MYH14: variants seen among roughly 807,000 people sequenced by gnomAD.
MYH14 encodes the protein myosin-14.
In MYH14, 123 loss-of-function variants were observed where a neutral mutation model predicts 255.5. The ratio of observed to expected loss-of-function variants is 0.48; its 90% CI spans 0.42 to 0.56. The LOEUF is 0.56. Among genes scored for constraint, MYH14 ranks in the 20% least tolerant of loss-of-function variants. The pLI is 0.00. For missense variants in MYH14, 2,423 were observed against 2,802.3 expected, an observed-to-expected ratio of 0.86 and a Z score of 3.06; for synonymous variants, 1,095 against 1,161.2, an observed-to-expected ratio of 0.94 and a Z score of 1.16.
At chr19:50,218,491 G>A (rs1046150449) in intron 3 of MYH14, among the ~76,000 whole-genome samples, 1 of 151,862 alleles carries the variant, frequency 6.6e-6, no homozygotes, top group African/African-American at 2.4e-5. Context: ...CCAGCTACTC[G>A]GGAGGCTGAG....
At chr19:50,301,430 G>T (rs148009728) in intron 39 of MYH14, among the ~76,000 whole-genome samples, 74 of 152,298 alleles carry the variant, frequency 4.9e-4, no homozygotes, top group African/African-American at 1.7e-3. Context: ...AAAGTAAGCA[G>T]AAAACTATCC....
Position 50,230,680 on chromosome 19 carries a change from T to G in MYH14, c.973+57T>G. On this transcript the variant is annotated intron_variant, in intron 9 of 42. Transcript: ENST00000642316. This position sits in a 1 kb window ranked among gnomAD's most constrained non-coding sequence, Gnocchi z 4.7. Reference sequence around the variant, plus strand: ...CGGGAGAGGGTGGGCACCATGTCTCTCGGGGGCCCCTTCTGGGGAGGAAGC... The same window carrying G: ...CGGGAGAGGGTGGGCACCATGTCTCGCGGGGGCCCCTTCTGGGGAGGAAGC... 5 of 1,477,068 alleles carry G rather than the reference T, an allele frequency of 3.4e-6. No individual in the cohort carries two copies. Among genetic ancestry groups the G allele is most frequent in the Non-Finnish European group, 4.6e-6 (5 of 1,085,146 alleles). 91.5% of individuals were successfully genotyped at this position (1,477,068 alleles called of 1,614,324 possible).
Position 50,230,547 on chromosome 19 carries a change from C to T in MYH14, c.897C>T (p.Ala299=), listed in dbSNP as rs1286001280. Residue 299 remains alanine (A), a synonymous_variant, in exon 9 of 43, where the codon GCC becomes GCT. Coordinates refer to ENST00000642316, the MANE Select transcript of MYH14 (RefSeq NM_001145809.2). This position sits in a 1 kb window ranked among gnomAD's most constrained non-coding sequence, Gnocchi z 4.7. ...CAGACCTGCTGGAGAAGTCGCGGGCCATCCGCCAGGCCAAGGACGAGTGCA... is the reference window on the plus strand; with the variant it reads ...CAGACCTGCTGGAGAAGTCGCGGGCTATCCGCCAGGCCAAGGACGAGTGCA... ...IETYLLEKSR[A]IRQAKDECSF... The T allele has an allele frequency of 6.4e-7, 1 of 1,567,612 alleles. No homozygotes were observed. The highest frequency in any genetic ancestry group is 1.9e-5 in the Admixed American group (1 of 52,812).
chr19:50,254,445 C>G (rs1312620417), intron 16 of MYH14, among the ~76,000 whole-genome samples: 1 of 152,154 alleles, frequency 6.6e-6, no homozygotes, highest in Non-Finnish European at 1.5e-5. Context: ...CATCTCCCGG[C>G]TGAAAATCTG....
Position 50,266,500 on chromosome 19 carries a change from A to G in MYH14, c.2695-377A>G, listed in dbSNP as rs1368601972. 6.6e-6 allele frequency among the ~76,000 whole-genome samples: 1 copy of G among 152,086 alleles called. No individual in the cohort carries two copies. Among genetic ancestry groups the G allele is most frequent in the African/African-American group, 2.4e-5 (1 of 41,402 alleles). On this transcript the variant is annotated intron_variant, in intron 22 of 42. Transcript: ENST00000642316. The surrounding 1 kb of genome is among the most constrained non-coding windows in gnomAD (Gnocchi z 4.1). Reference sequence around the variant, plus strand: ...CTTGAACCTGGGAGGCAGAGGTTGCAGTGAGCCGAGATCCCACCACTGCAC... The same window carrying G: ...CTTGAACCTGGGAGGCAGAGGTTGCGGTGAGCCGAGATCCCACCACTGCAC...
At chr19:50,212,579 C>G (rs1168296733) in intron 2 of MYH14, among the ~76,000 whole-genome samples, 3 of 152,182 alleles carry the variant, frequency 2.0e-5, no homozygotes, top group African/African-American at 2.4e-5. Flanking sequence ...GAGTCATGCT[C>G]CAAACTCTAG....
chr19:50,280,303 G>A lies in MYH14; in HGVS notation c.4210G>A (p.Ala1404Thr), dbSNP rs2035670202. Residue 1404 changes from alanine to threonine, a missense_variant, in exon 32 of 43, where the codon GCC becomes ACC. Coordinates refer to ENST00000642316, the MANE Select transcript of MYH14 (RefSeq NM_001145809.2). The surrounding 1 kb of genome is among the most constrained non-coding windows in gnomAD (Gnocchi z 4.8). ...GGTGCGAGCCATGGAGGCTGAGGCAGCCGGGCTGCGTGAGCAGCTGGAGGA... is the reference window on the plus strand; with the variant it reads ...GGTGCGAGCCATGGAGGCTGAGGCAACCGGGCTGCGTGAGCAGCTGGAGGA... ...SRVRAMEAEA[A>T]GLREQLEEEA... is the part of the protein sequence containing the mutation. The A allele has an allele frequency of 6.4e-7, 1 of 1,551,010 alleles. No individual in the cohort carries two copies. The highest frequency in any genetic ancestry group is 8.7e-7 in the Non-Finnish European group (1 of 1,146,880).
intron 41 of MYH14, 84 bp from the exon 42 acceptor site, chr19:50,308,921 G>A (rs1228270330): frequency 2.3e-6 from 3 of 1,330,590 alleles, no homozygotes; most frequent in Non-Finnish European, 2.1e-6. Flanking sequence ...GGGCAGTAGG[G>A]ATGGGGCAGT....
intron 24 of MYH14, among the ~76,000 whole-genome samples, chr19:50,270,758 G>A (rs1050103246): frequency 6.6e-6 from 1 of 151,430 alleles, no homozygotes; most frequent in African/African-American, 2.4e-5. Context: ...GCAGTGGCGC[G>A]ATTTCAGCTC....
rs1197116895 is a variant in MYH14, at chr19:50,309,164, A to C, written c.5947A>C (p.Arg1983=). ...CATGAACCGTGAAGTGACCACACTG[A>C]GGAACCGGCTTCGGTATGGTCATCC... is the stretch of plus-strand genomic sequence containing the variant. ...ESMNREVTTL[R]NRLRRGPLTF... The change falls in exon 42 of 43, where the codon AGG becomes CGG. Residue 1983 remains arginine, a synonymous_variant. Transcript: ENST00000642316. 6 of 1,613,804 alleles carry C rather than the reference A, an allele frequency of 3.7e-6. No individual in the cohort carries two copies. Among genetic ancestry groups the C allele is most frequent in the East Asian group, 2.2e-5 (1 of 44,860 alleles).
In MYH14 at chr19:50,250,141, C is replaced by T. The variant is rs2034310355; in HGVS notation, c.1656+318C>T. 6.6e-6 allele frequency among the ~76,000 whole-genome samples: 1 copy of T among 152,212 alleles called. No individual in the cohort carries two copies. Among genetic ancestry groups the T allele is most frequent in the Admixed American group, 6.5e-5 (1 of 15,272 alleles). On this transcript the variant is annotated intron_variant, in intron 14 of 42. Transcript: ENST00000642316. The surrounding 1 kb of genome is among the most constrained non-coding windows in gnomAD (Gnocchi z 5.4). ...CTTGAGACGGAGTCTCGCTCTATCGCCCAGGCTGGAGTGCAGCGGCGCGAT... is the reference window on the plus strand; with the variant it reads ...CTTGAGACGGAGTCTCGCTCTATCGTCCAGGCTGGAGTGCAGCGGCGCGAT...
At chr19:50,308,107 T>C (rs1015510482) in intron 41 of MYH14, among the ~76,000 whole-genome samples, 1 of 152,328 alleles carries the variant, frequency 6.6e-6, no homozygotes, top group Admixed American at 6.5e-5. Context: ...TGGGGAATCC[T>C]CTTCAGGTTG....
At chr19:50,284,402 T>G (rs1267180727) in intron 33 of MYH14, among the ~76,000 whole-genome samples, 1 of 152,138 alleles carries the variant, frequency 6.6e-6, no homozygotes, top group African/African-American at 2.4e-5. Flanking sequence ...AGTCTTGCAC[T>G]GTTGCCCGGG....
At chr19:50,211,815 CAA>C (rs554010605) in intron 2 of MYH14, among the ~76,000 whole-genome samples, 2,912 of 123,082 alleles carry the variant, frequency 0.024, 42 homozygotes, top group Middle Eastern at 0.04. Flanking sequence ...CCCATCCCTG[CAA>C]AAAAAAAAAA....
chr19:50,245,541 C>T (rs1287431862), intron 11 of MYH14, among the ~76,000 whole-genome samples: 2 of 152,066 alleles, frequency 1.3e-5, no homozygotes, highest in Non-Finnish European at 2.9e-5. Context: ...TGGGATGTGT[C>T]TCTCTGGGCT....
At chr19:50,304,361 G>A (rs1215058778) in intron 40 of MYH14, among the ~76,000 whole-genome samples, 7 of 152,268 alleles carry the variant, frequency 4.6e-5, no homozygotes, top group African/African-American at 1.2e-4. Flanking sequence ...AGGCCAAGGC[G>A]GGCAGATCAC....
Position 50,207,271 on chromosome 19 carries a change from C to CAGAGAGAGAGAGAGAGAGAG in MYH14, c.-3-3068_-3-3049dup, listed in dbSNP as rs764396652. Among the ~76,000 whole-genome samples the CAGAGAGAGAGAGAGAGAGAG allele has an allele frequency of 6.0e-3, 457 of 76,794 alleles. 59 individuals are homozygous for CAGAGAGAGAGAGAGAGAGAG. The highest frequency in any genetic ancestry group is 0.016 in the South Asian group (26 of 1,672). 50.4% of individuals were successfully genotyped at this position (76,794 alleles called of 152,430 possible). ...AGAGAGAGAGAAAGAGAGAGAGAGACAGAGAGAGAGAGAGAGAGAGAGAGA... is the reference window on the plus strand; with the variant it reads ...AGAGAGAGAGAAAGAGAGAGAGAGACAGAGAGAGAGAGAGAGAGAGAGAGAGAGAGAGAGAGAGAGAGAGA... On this transcript the variant is annotated intron_variant, in intron 1 of 42. Transcript: ENST00000642316.
At chr19:50,207,516 A>G (rs1050296305) in intron 1 of MYH14, among the ~76,000 whole-genome samples, 1 of 151,364 alleles carries the variant, frequency 6.6e-6, no homozygotes, top group East Asian at 1.9e-4. Flanking sequence ...CTAGGCCAGG[A>G]GCTCCTCCAG....
At position 50,263,370 on chromosome 19, in the gene MYH14, G is replaced by A. The variant is rs770315707; in HGVS notation, c.2644G>A (p.Ala882Thr). The A allele has an allele frequency of 2.2e-5, 36 of 1,603,058 alleles. No homozygotes were observed. Among genetic ancestry groups the A allele is most frequent in the Middle Eastern group, 1.7e-4 (1 of 6,056 alleles). Reference sequence around the variant, plus strand: ...CCTGAGGGTGATGCAGCGGAACTGCGCGGCCTACCTCAAGCTGAGACACTG... The same window carrying A: ...CCTGAGGGTGATGCAGCGGAACTGCACGGCCTACCTCAAGCTGAGACACTG... The part of the protein sequence containing the change: ...SALRVMQRNC[A>T]AYLKLRHWQW... Residue 882 changes from alanine to threonine, a missense_variant, in exon 22 of 43, where the codon GCG (alanine) becomes ACG (threonine). Ala to Thr is a moderately conservative substitution (Grantham distance 58). Coordinates refer to ENST00000642316, the MANE Select transcript of MYH14 (RefSeq NM_001145809.2).
Sources: allele counts gnomAD v4.1 joint callset (sites outside exome capture counted in the v4.1 genomes callset), GRCh38; gene constraint gnomAD v4.1.1; non-coding constraint Gnocchi (gnomAD v3.1); transcripts MANE v1.5; gene names NCBI Gene and HGNC (gene_info 2026-07-23, HGNC 2026-07-21).